The following GPSM2 variants were observed in gnomAD, a reference collection of about 807,000 sequenced individuals.
GPSM2 encodes G protein-signaling modulator 2.
In GPSM2, 58 loss-of-function variants were observed where a neutral mutation model predicts 78.4. The observed-to-expected ratio is 0.74, with a 90% CI of 0.60 to 0.92. GPSM2 has a LOEUF of 0.92. Ranked by LOEUF, GPSM2 falls within the 40% of genes least tolerant of loss-of-function variation. GPSM2 has a pLI of 0.00. For missense variants in GPSM2, 700 were observed against 815.5 expected (o/e 0.86, Z 1.73); for synonymous variants, 224 against 280.2 (o/e 0.80, Z 2.00).
intron 14 of GPSM2, chr1:108,929,372 G>C: frequency 6.1e-6 from 2 of 325,440 alleles, no homozygotes; most frequent in Non-Finnish European, 5.8e-6. Context: ...GTCATACTTA[G>C]ATACAGTTGA....
chr1:108,898,760 G>T lies in GPSM2; in HGVS notation c.676G>T (p.Glu226Ter). The change falls in exon 6 of 15, where the codon GAG becomes TAG. Residue 226 changes from glutamate to a stop codon, truncating the protein, a stop_gained. Coordinates refer to ENST00000264126, the MANE Select transcript of GPSM2 (RefSeq NM_013296.5). LOFTEE classifies it high-confidence loss of function. ...GNFRDAVIAH[E>*]QRLLIAKEFG... Reference sequence around the variant, plus strand: ...CTTCAGGGATGCAGTTATAGCTCATGAGCAGGTACAGTGGAAAGCCTTGGA... The same window carrying T: ...CTTCAGGGATGCAGTTATAGCTCATTAGCAGGTACAGTGGAAAGCCTTGGA... 6.2e-7 allele frequency: 1 copy of T among 1,613,982 alleles called. No homozygotes were observed. The highest frequency in any genetic ancestry group is 1.1e-5 in the South Asian group (1 of 91,004).
chr1:108,894,662 C>T (rs1648222624), intron 2 of GPSM2, among the ~76,000 whole-genome samples: 1 of 151,990 alleles, frequency 6.6e-6, no homozygotes. Context: ...TGTACTGCTG[C>T]ACTCCAGCCT....
In GPSM2 at chr1:108,909,847, G is replaced by A. The variant is rs1338652888; in HGVS notation, c.1193-4491G>A. 6 of 133,948 alleles carry A rather than the reference G, an allele frequency of 4.5e-5. No homozygotes were observed. In the Admixed American group the frequency reaches 4.8e-4, roughly 11 times the overall value. The allele number at this position is 133,948 out of a possible 1,614,324, so 8.3% of individuals were successfully genotyped here. A position where few individuals can be genotyped will look rare whatever the true frequency, so the allele number is the denominator to read the frequency against. ...AAACCCAGGAGGCGGAGGCTGCAGTGAGCCGAGATCACACCACTGCACTCC... is the reference window on the plus strand; with the variant it reads ...AAACCCAGGAGGCGGAGGCTGCAGTAAGCCGAGATCACACCACTGCACTCC... On this transcript the variant is annotated intron_variant, in intron 10 of 14. Transcript: ENST00000264126.
chr1:108,907,351 G>A (rs1649318931), intron 10 of GPSM2, among the ~76,000 whole-genome samples: 2 of 152,174 alleles, frequency 1.3e-5, no homozygotes, highest in South Asian at 4.1e-4. Flanking sequence ...ATCCATTAAA[G>A]CACTTTTGGG....
chr1:108,908,866 T>C (rs1649482167), intron 10 of GPSM2, among the ~76,000 whole-genome samples: 1 of 149,896 alleles, frequency 6.7e-6, no homozygotes, highest in Non-Finnish European at 1.5e-5. Context: ...TATCCGTGCA[T>C]GGTGGCATGA....
At chr1:108,884,495 A>G (rs1301961669) in intron 1 of GPSM2, among the ~76,000 whole-genome samples, 2 of 152,238 alleles carry the variant, frequency 1.3e-5, no homozygotes, top group African/African-American at 4.8e-5. Flanking sequence ...TCTCAGAAAC[A>G]ACGTTCAGCA....
At chr1:108,889,318 A>G (rs945614034) in intron 2 of GPSM2, among the ~76,000 whole-genome samples, 10 of 152,202 alleles carry the variant, frequency 6.6e-5, no homozygotes, top group Non-Finnish European at 1.3e-4. Context: ...CCGATTGGCT[A>G]GCAACTTAGA....
intron 12 of GPSM2, 86 bp downstream of exon 12, chr1:108,918,875 T>A: frequency 1.2e-6 from 1 of 816,374 alleles, no homozygotes; most frequent in Non-Finnish European, 2.1e-6. Flanking sequence ...TTTAGTAATT[T>A]AAATTAGACA....
At chr1:108,922,350 G>A in intron 12 of GPSM2, 67 bp from the exon 13 acceptor site, 2 of 1,145,776 alleles carry the variant, frequency 1.7e-6, no homozygotes, top group South Asian at 2.5e-5. Flanking sequence ...GCATCATGAT[G>A]TTCATTGATG....
Position 108,885,846 on chromosome 1 carries a change from A to G in GPSM2, c.56+268A>G, listed in dbSNP as rs555543002. 1.8e-3 allele frequency among the ~76,000 whole-genome samples: 278 copies of G among 152,300 alleles called. 1 individual carries two copies. Among genetic ancestry groups the G allele is most frequent in the African/African-American group, 6.3e-3 (261 of 41,574 alleles). ...ATTTGTAACTTTTTATGTAATGCAAATATGTAAATGAAATATGTTTGAAAA... is the reference window on the plus strand; with the variant it reads ...ATTTGTAACTTTTTATGTAATGCAAGTATGTAAATGAAATATGTTTGAAAA... On this transcript the variant is annotated intron_variant, in intron 2 of 14. Transcript: ENST00000264126.
intron 10 of GPSM2, among the ~76,000 whole-genome samples, chr1:108,904,892 G>A (rs1175689357): frequency 6.6e-6 from 1 of 151,978 alleles, no homozygotes; most frequent in Non-Finnish European, 1.5e-5. Flanking sequence ...AGAAATAAAA[G>A]GGATAAGATT....
chr1:108,905,001 T>C (rs556737656), intron 10 of GPSM2, among the ~76,000 whole-genome samples: 1 of 152,350 alleles, frequency 6.6e-6, no homozygotes, highest in African/African-American at 2.4e-5. Flanking sequence ...CTGACAAATA[T>C]TTTGAATTTT....
chr1:108,925,456 A>G (rs1426506406), intron 14 of GPSM2, among the ~76,000 whole-genome samples: 2 of 151,246 alleles, frequency 1.3e-5, no homozygotes, highest in African/African-American at 4.8e-5. Context: ...TTCAAAATCT[A>G]CTGGTTAGAT....
intron 1 of GPSM2, among the ~76,000 whole-genome samples, chr1:108,882,381 C>T (rs1665943782): frequency 6.6e-6 from 1 of 152,200 alleles, no homozygotes; most frequent in African/African-American, 2.4e-5. Flanking sequence ...AACCTATACG[C>T]ATCTTCCCAC....
intron 14 of GPSM2, chr1:108,924,447 GTA>G (rs1307307318): frequency 9.0e-6 from 5 of 553,688 alleles, no homozygotes; most frequent in Admixed American, 2.9e-5. Context: ...GTGTGTGTGT[GTA>G]TATATATAGA....
At chr1:108,902,210 G>A (rs946383465) in intron 8 of GPSM2, among the ~76,000 whole-genome samples, 9 of 151,740 alleles carry the variant, frequency 5.9e-5, no homozygotes, top group African/African-American at 1.2e-4. Context: ...GTGAAACCCC[G>A]TATCTACTAA....
intron 8 of GPSM2, 88 bp downstream of exon 8, chr1:108,902,033 T>C: frequency 1.1e-6 from 1 of 944,984 alleles, no homozygotes; most frequent in East Asian, 2.5e-5. Flanking sequence ...TCTTTTCCTT[T>C]GTTTTCCTTA....
intron 2 of GPSM2, among the ~76,000 whole-genome samples, chr1:108,888,240 T>C (rs1481566137): frequency 1.3e-5 from 2 of 152,054 alleles, no homozygotes; most frequent in Non-Finnish European, 1.5e-5. Flanking sequence ...TTAGTAGAGA[T>C]GGGGTTTTGC....
Position 108,922,500 on chromosome 1 carries a change from A to G in GPSM2, c.1524A>G (p.Arg508=), listed in dbSNP as rs752268776. 33 of 1,611,578 alleles carry G rather than the reference A, an allele frequency of 2.0e-5. No individual in the cohort carries two copies. Among genetic ancestry groups the G allele is most frequent in the Middle Eastern group, 3.3e-4 (2 of 6,082 alleles). The change falls in exon 13 of 15, where the codon AGA becomes AGG. Residue 508 remains arginine, a synonymous_variant. Coordinates refer to ENST00000264126, the MANE Select transcript of GPSM2 (RefSeq NM_013296.5). ...RFQSNRMDDQ[R]CCLQEKNCHT... is the part of the protein sequence containing the mutation. ...AAAGCAATAGGATGGATGATCAGAG[A>G]TGTTGCTTACAAGAAAAGAACTGCC...
Sources: allele counts gnomAD v4.1 joint callset (sites outside exome capture counted in the v4.1 genomes callset), GRCh38; gene constraint gnomAD v4.1.1; transcripts MANE v1.5; gene names NCBI Gene and HGNC (gene_info 2026-07-23, HGNC 2026-07-21).